Variants in LRP1B observed in about 807,000 individuals in gnomAD.
LRP1B encodes LDL receptor related protein 1B.
Under a neutral mutation model 556.6 loss-of-function variants are expected in LRP1B, and 217 were observed. That is an observed-to-expected ratio of 0.39 (90% CI 0.35 to 0.44). The LOEUF is 0.44. LRP1B is among the 20% of genes least tolerant of loss of function. LRP1B has a pLI of 1.00. For synonymous variants in LRP1B, 2,047 were observed against 1,865.8 expected (o/e 1.10, Z -2.50); for missense variants, 5,053 against 5,620.8 (o/e 0.90, Z 3.23).
intron 2 of LRP1B, among the ~76,000 whole-genome samples, chr2:141,540,045 C>T (rs919553028): frequency 6.6e-6 from 1 of 152,090 alleles, no homozygotes; most frequent in Admixed American, 6.6e-5. Flanking sequence ...TTGAACTAAG[C>T]TGCTCAAGTC....
intron 1 of LRP1B, among the ~76,000 whole-genome samples, chr2:142,031,788 A>G (rs1703721579): frequency 6.6e-6 from 1 of 151,846 alleles, no homozygotes; most frequent in Admixed American, 6.6e-5. Flanking sequence ...GTCTCTCAGA[A>G]TCTGATCTTA....
intron 1 of LRP1B, among the ~76,000 whole-genome samples, chr2:141,984,617 T>A (rs1360301278): frequency 6.6e-6 from 1 of 152,172 alleles, no homozygotes; most frequent in Non-Finnish European, 1.5e-5. Flanking sequence ...ATACTATGCC[T>A]ACCTGGGGTA....
chr2:140,420,581 A>G (rs1368544426), intron 66 of LRP1B, among the ~76,000 whole-genome samples: 1 of 152,252 alleles, frequency 6.6e-6, no homozygotes, highest in African/African-American at 2.4e-5. Context: ...TTTGATTTGC[A>G]ATATTCTACA....
chr2:141,174,694 T>C (rs1170683502), intron 7 of LRP1B, among the ~76,000 whole-genome samples: 1 of 151,940 alleles, frequency 6.6e-6, no homozygotes, highest in Non-Finnish European at 1.5e-5. Flanking sequence ...AGTGTGAGAG[T>C]GGACTAACAT....
At chr2:141,490,726 C>G (rs895878569) in intron 2 of LRP1B, among the ~76,000 whole-genome samples, 1 of 152,002 alleles carries the variant, frequency 6.6e-6, no homozygotes, top group Non-Finnish European at 1.5e-5. Flanking sequence ...TACCTCTCAT[C>G]AAACCCCATA....
Position 141,296,935 on chromosome 2 carries a change from C to T in LRP1B, c.344-42294G>A, listed in dbSNP as rs192670110. ...TACTGTACCCAATTGTTAGCTCCCA[C>T]TTATAGGTGAGAACATGCAATATTT... On this transcript the variant is annotated intron_variant, in intron 3 of 90. Transcript: ENST00000389484. Among the ~76,000 whole-genome samples the T allele has an allele frequency of 2.1e-3, 326 of 152,264 alleles. 1 individual carries two copies. The Middle Eastern group carries it at 0.024, about 11-fold the overall frequency.
intron 7 of LRP1B, among the ~76,000 whole-genome samples, chr2:141,128,210 T>C (rs1160516798): frequency 6.6e-6 from 1 of 152,194 alleles, no homozygotes; most frequent in Non-Finnish European, 1.5e-5. Flanking sequence ...GTATTATGTA[T>C]GTCTTTTTAG....
Position 142,115,607 on chromosome 2 carries a change from ATATTATATATATG to A in LRP1B, c.82+15028_82+15040del, listed in dbSNP as rs1373640366. Among the ~76,000 whole-genome samples, 47 of 48,306 alleles carry A rather than the reference ATATTATATATATG, an allele frequency of 9.7e-4. 2 individuals carry two copies. Among genetic ancestry groups the A allele is most frequent in the Non-Finnish European group, 1.5e-3 (41 of 26,684 alleles). 31.7% of individuals were successfully genotyped at this position (48,306 alleles called of 152,430 possible). On this transcript the variant is annotated intron_variant, in intron 1 of 90. Coordinates refer to ENST00000389484, the MANE Select transcript of LRP1B (RefSeq NM_018557.3). ...AATATATATATTATATATGTAATAT[ATATTATATATATG>A]TAATATATATATTATATATGTAATA...
chr2:141,546,005 G>A (rs1685536171), intron 2 of LRP1B, among the ~76,000 whole-genome samples: 3 of 152,082 alleles, frequency 2.0e-5, no homozygotes, highest in South Asian at 2.1e-4. Flanking sequence ...TGTACCAGTA[G>A]CAACAGAAAA....
intron 21 of LRP1B, among the ~76,000 whole-genome samples, chr2:140,915,855 C>T (rs749719038): frequency 5.9e-5 from 9 of 151,700 alleles, no homozygotes; most frequent in Non-Finnish European, 1.3e-4. Context: ...GGTGAAACCC[C>T]GTCTCTACTG....
chr2:141,013,038 A>C (rs1278388603), intron 14 of LRP1B, among the ~76,000 whole-genome samples: 1 of 151,970 alleles, frequency 6.6e-6, no homozygotes, highest in Non-Finnish European at 1.5e-5. Context: ...GATTTTAAGA[A>C]GACATGAATA....
intron 84 of LRP1B, 80 bp from the exon 85 acceptor site, chr2:140,274,678 C>A (rs2104953211): frequency 8.9e-7 from 1 of 1,121,824 alleles, no homozygotes; most frequent in East Asian, 2.6e-5. Context: ...GTGACCCTTT[C>A]ATTTATTACT....
At chr2:140,778,807 C>T (rs1057250009) in intron 32 of LRP1B, among the ~76,000 whole-genome samples, 2 of 152,026 alleles carry the variant, frequency 1.3e-5, no homozygotes, top group Non-Finnish European at 2.9e-5. Flanking sequence ...TATGAACGCA[C>T]ACAACATCTC....
chr2:141,349,229 A>C (rs1263704919), intron 3 of LRP1B, among the ~76,000 whole-genome samples: 2 of 152,058 alleles, frequency 1.3e-5, no homozygotes, highest in Non-Finnish European at 2.9e-5. Context: ...AAATATGGCC[A>C]CATCATCATC....
At chr2:140,873,940 T>G (rs1693221641) in intron 25 of LRP1B, among the ~76,000 whole-genome samples, 1 of 151,404 alleles carries the variant, frequency 6.6e-6, no homozygotes, top group Admixed American at 6.6e-5. Flanking sequence ...ATAAAGAGGT[T>G]TTTTTTTGGT....
chr2:141,577,680 T>C (rs548314842), intron 2 of LRP1B, among the ~76,000 whole-genome samples: 51 of 152,288 alleles, frequency 3.3e-4, no homozygotes, highest in South Asian at 6.2e-4. Context: ...GAACACGTGA[T>C]AGTGTATTAC....
chr2:141,221,878 A>G (rs1052474913), intron 6 of LRP1B, among the ~76,000 whole-genome samples: 1 of 152,198 alleles, frequency 6.6e-6, no homozygotes, highest in Admixed American at 6.5e-5. Flanking sequence ...TTTGAAACCA[A>G]TGAGAACAAA....
At position 140,716,735 on chromosome 2, in the gene LRP1B, A is replaced by G. The variant is rs768646010; in HGVS notation, c.5840T>C (p.Ile1947Thr). Residue 1947 changes from isoleucine (I) to threonine (T), a missense_variant, in exon 36 of 91, where the codon ATC becomes ACC. Transcript: ENST00000389484. Reference sequence around the variant, plus strand: ...CACTCTTCCCAAGCCATTGGTAATGATATCTTCTTTCCAAGTCTGATCTCT... The same window carrying G: ...CACTCTTCCCAAGCCATTGGTAATGGTATCTTCTTTCCAAGTCTGATCTCT... Reference protein sequence around the residue: ...AKRDQTWKEDIITNGLGRVEG... With the variant: ...AKRDQTWKEDTITNGLGRVEG... 2 of 1,611,980 alleles carry G rather than the reference A, an allele frequency of 1.2e-6. No homozygotes were observed. The highest frequency in any genetic ancestry group is 1.7e-5 in the Admixed American group (1 of 59,922).
intron 20 of LRP1B, among the ~76,000 whole-genome samples, chr2:140,938,761 A>G (rs1695305158): frequency 6.6e-6 from 1 of 152,092 alleles, no homozygotes; most frequent in Non-Finnish European, 1.5e-5. Context: ...GGTCACTAAC[A>G]TACATTAACT....
Sources: gnomAD v4.1 joint callset for allele counts (sites outside exome capture counted in the v4.1 genomes callset) on GRCh38, gnomAD v4.1.1 for gene constraint, MANE v1.5 for transcripts, NCBI Gene and HGNC (gene_info 2026-07-23, HGNC 2026-07-21) for gene names.